GFRA1: variants seen among roughly 807,000 people sequenced by gnomAD.
GFRA1 encodes GDNF family receptor alpha-1.
GFRA1 carries 16 observed loss-of-function variants against 51.6 expected under a neutral mutation model. That is an observed-to-expected ratio of 0.31 (90% CI 0.21 to 0.47). GFRA1 has a LOEUF of 0.47. Among genes scored for constraint, GFRA1 ranks in the 20% least tolerant of loss-of-function variants. The pLI is 1.00. For synonymous variants in GFRA1, 270 were observed against 241.3 expected (o/e 1.12, Z -1.10); for missense variants, 530 against 594.3 (o/e 0.89, Z 1.13).
Position 116,256,295 on chromosome 10 carries a change from A to AT in GFRA1, c.418+13207dup, listed in dbSNP as rs199675694. Reference sequence around the variant, plus strand: ...CACCGTGCTACTCTGCAGCACATATATTTTTTGGGATCACCATGACCTCAT... The same window carrying AT: ...CACCGTGCTACTCTGCAGCACATATATTTTTTTGGGATCACCATGACCTCAT... On this transcript the variant is annotated intron_variant, in intron 4 of 10. Coordinates refer to ENST00000355422, the MANE Select transcript of GFRA1 (RefSeq NM_005264.8). 5.4e-3 allele frequency among the ~76,000 whole-genome samples: 817 copies of AT among 152,042 alleles called. 5 individuals carry two copies. Among genetic ancestry groups the AT allele is most frequent in the African/African-American group, 0.019 (785 of 41,456 alleles).
intron 9 of GFRA1, among the ~76,000 whole-genome samples, chr10:116,088,920 CAAAAAAA>C (rs58590152): frequency 1.2e-4 from 6 of 49,012 alleles, no homozygotes; most frequent in African/African-American, 3.7e-4. Flanking sequence ...GACTCTGTCT[CAAAAAAA>C]AAAAAAAAAA....
At chr10:116,109,757 G>C (rs890905244) in intron 6 of GFRA1, among the ~76,000 whole-genome samples, 1 of 152,196 alleles carries the variant, frequency 6.6e-6, no homozygotes, top group African/African-American at 2.4e-5. Flanking sequence ...GGCCTGGCCG[G>C]GACGACCATC....
intron 5 of GFRA1, among the ~76,000 whole-genome samples, chr10:116,167,522 T>C (rs765393574): frequency 6.6e-5 from 10 of 152,142 alleles, no homozygotes; most frequent in Non-Finnish European, 1.3e-4. Context: ...TGGCATGTAA[T>C]GTCTGCAGAA....
chr10:116,245,558 T>C (rs1357571481), intron 4 of GFRA1, among the ~76,000 whole-genome samples: 3 of 152,178 alleles, frequency 2.0e-5, no homozygotes, highest in Admixed American at 6.5e-5. Context: ...TTAAATATGA[T>C]CCAGCAATCA....
chr10:116,230,491 C>T (rs755527533), intron 4 of GFRA1, among the ~76,000 whole-genome samples: 16 of 152,264 alleles, frequency 1.1e-4, no homozygotes, highest in Admixed American at 5.2e-4. Context: ...TTCCTGGAAA[C>T]GTGCTACAGG....
At chr10:116,246,548 C>A (rs7896456) in intron 4 of GFRA1, among the ~76,000 whole-genome samples, 148,384 of 152,320 alleles carry the variant, frequency 0.97, 72,389 homozygotes, top group East Asian at 1. Flanking sequence ...TAGTAATTAG[C>A]AAAAAACGAA....
intron 4 of GFRA1, among the ~76,000 whole-genome samples, chr10:116,216,860 T>C (rs1965598975): frequency 6.6e-6 from 1 of 152,188 alleles, no homozygotes; most frequent in Non-Finnish European, 1.5e-5. Context: ...GGAATGAATG[T>C]GGTTTTCTTG....
At chr10:116,199,368 T>C (rs1021842548) in intron 5 of GFRA1, among the ~76,000 whole-genome samples, 1 of 152,174 alleles carries the variant, frequency 6.6e-6, no homozygotes, top group African/African-American at 2.4e-5. Context: ...TCTGCATTTA[T>C]CCCTATGGAG....
intron 5 of GFRA1, among the ~76,000 whole-genome samples, chr10:116,146,557 G>C (rs900103770): frequency 1.3e-5 from 2 of 152,198 alleles, no homozygotes; most frequent in Non-Finnish European, 1.5e-5. Flanking sequence ...TCCATGTCAT[G>C]TTGCTGGTGA....
At chr10:116,108,120 C>A (rs1467194358) in intron 6 of GFRA1, among the ~76,000 whole-genome samples, 1 of 152,120 alleles carries the variant, frequency 6.6e-6, no homozygotes, top group Non-Finnish European at 1.5e-5. Context: ...TGCACAAGTT[C>A]GCTTTAAACA....
chr10:116,104,969 T>C (rs1956953274), intron 6 of GFRA1, among the ~76,000 whole-genome samples: 1 of 152,178 alleles, frequency 6.6e-6, no homozygotes, highest in Non-Finnish European at 1.5e-5. Context: ...AAACTCTAAG[T>C]AGTAATGGGA....
intron 5 of GFRA1, among the ~76,000 whole-genome samples, chr10:116,169,070 CTGA>C (rs1177753581): frequency 5.9e-5 from 9 of 152,182 alleles, no homozygotes; most frequent in Non-Finnish European, 8.8e-5. Flanking sequence ...TCACCTCCCA[CTGA>C]TTTCCCTCAT....
In GFRA1 at chr10:116,058,966, A is replaced by G. The variant is rs1463599521; in HGVS notation, c.*5432T>C. 2 of 152,112 alleles carry G rather than the reference A, an allele frequency of 1.3e-5. No homozygotes were observed. The highest frequency in any genetic ancestry group is 2.4e-5 in the African/African-American group (1 of 41,418). 9.4% of individuals were successfully genotyped at this position (152,112 alleles called of 1,614,324 possible). ...TTTTGGGCTCTGTCCTTCCTGGCGG[A>G]TGTGAGCCTGTTGGGAGAGATGCTA... On this transcript the variant is annotated 3_prime_UTR_variant, in exon 11 of 11. Transcript: ENST00000355422.
rs1197225260 is a variant in GFRA1 at position 116,270,899 on chromosome 10, T to C, written c.257A>G (p.Asn86Ser). 69 of 1,613,908 alleles carry C rather than the reference T, an allele frequency of 4.3e-5. No individual in the cohort carries two copies. Among genetic ancestry groups the C allele is most frequent in the Non-Finnish European group, 5.1e-5 (60 of 1,179,998 alleles). Reference sequence around the variant, plus strand: ...CTTCATACCCCGCTTGCAGCGGCAGTTGTAGAGCGACTTCTGCTTCAGGGC... The same window carrying C: ...CTTCATACCCCGCTTGCAGCGGCAGCTGTAGAGCGACTTCTGCTTCAGGGC... ...MEALKQKSLY[N>S]CRCKRGMKKE... Residue 86 changes from asparagine to serine, a missense_variant, in exon 3 of 11, where the codon AAC becomes AGC. Physicochemically the swap from Asn to Ser is conservative, Grantham distance 46 (BLOSUM62 1). Coordinates refer to ENST00000355422, the MANE Select transcript of GFRA1 (RefSeq NM_005264.8).
intron 9 of GFRA1, among the ~76,000 whole-genome samples, chr10:116,066,362 A>C (rs937853395): frequency 6.6e-6 from 1 of 152,134 alleles, no homozygotes; most frequent in Non-Finnish European, 1.5e-5. Context: ...AATCACACAG[A>C]GCAGTACAGA....
At chr10:116,100,757 T>C (rs527535026) in intron 6 of GFRA1, among the ~76,000 whole-genome samples, 24 of 152,260 alleles carry the variant, frequency 1.6e-4, no homozygotes, top group Non-Finnish European at 2.8e-4. Flanking sequence ...AGCAAGAAAT[T>C]TGCCAGGAGG....
Position 116,064,094 on chromosome 10 carries a change from C to CATGATG in GFRA1, c.*303_*304insCATCAT, listed in dbSNP as rs1954973521. 22 of 188,960 alleles carry CATGATG rather than the reference C, an allele frequency of 1.2e-4. No homozygotes were observed. The highest frequency in any genetic ancestry group is 3.5e-4 in the African/African-American group (6 of 17,308). 11.7% of individuals were successfully genotyped at this position (188,960 alleles called of 1,614,324 possible). A position where few individuals can be genotyped will look rare whatever the true frequency, so the allele number is the denominator to read the frequency against. On this transcript the variant is annotated 3_prime_UTR_variant, in exon 11 of 11. Coordinates refer to ENST00000355422, the MANE Select transcript of GFRA1 (RefSeq NM_005264.8). ...TGATCATGATGATCATCATCATGAT[C>CATGATG]ATCATCATCATCGAAAACACAGCCC...
At position 116,237,491 on chromosome 10, in the gene GFRA1, T is replaced by C. The variant is rs142335047; in HGVS notation, c.419-25846A>G. Among the ~76,000 whole-genome samples, 298 of 151,678 alleles carry C rather than the reference T, an allele frequency of 2.0e-3. 2 individuals carry two copies. The highest frequency in any genetic ancestry group is 7.0e-3 in the African/African-American group (288 of 41,334). The stretch of plus-strand genomic sequence containing the variant: ...GCCAAAGCTCTTAAGCAATTTGCTA[T>C]ATTTACTGCCTGGCATGATGCCTGT... On this transcript the variant is annotated intron_variant, in intron 4 of 10. Coordinates refer to ENST00000355422, the MANE Select transcript of GFRA1 (RefSeq NM_005264.8).
chr10:116,241,497 T>G (rs1322824690), intron 4 of GFRA1, among the ~76,000 whole-genome samples: 2 of 152,198 alleles, frequency 1.3e-5, no homozygotes, highest in Non-Finnish European at 2.9e-5. Flanking sequence ...ATGAGCATCC[T>G]CACCTGATCC....
Sources: allele counts gnomAD v4.1 joint callset (sites outside exome capture counted in the v4.1 genomes callset), GRCh38; gene constraint gnomAD v4.1.1; transcripts MANE v1.5; gene names NCBI Gene and HGNC (gene_info 2026-07-23, HGNC 2026-07-21).